Variants in SLC35A4 observed in about 807,000 individuals in gnomAD.
The protein encoded by SLC35A4 is probable UDP-sugar transporter protein SLC35A4.
SLC35A4 carries 9 observed loss-of-function variants against 18.8 expected under a neutral mutation model. The ratio of observed to expected loss-of-function variants is 0.48; its 90% CI spans 0.29 to 0.83. The LOEUF is 0.83. SLC35A4 is among the 40% of genes least tolerant of loss of function. The probability of loss-of-function intolerance (pLI) is 0.09; values close to 1 mark genes in which losing one functional copy is unlikely to be tolerated. For synonymous variants in SLC35A4, 189 were observed against 191.9 expected (o/e 0.98, Z 0.13); for missense variants, 404 against 415.5 (o/e 0.97, Z 0.24).
At chr5:140,565,100 C>T in intron 1 of SLC35A4, 1 of 395,080 alleles carries the variant, frequency 2.5e-6, no homozygotes, top group Non-Finnish European at 4.5e-6. Context: ...CCGTTACTAG[C>T]ACAGACTCAA....
Position 140,567,612 on chromosome 5 carries a change from T to TGCG in SLC35A4, c.445_446insGGC (p.Leu148_Leu149insArg). 1 of 1,614,214 alleles carries TGCG rather than the reference T, an allele frequency of 6.2e-7. No individual in the cohort carries two copies. The highest frequency in any genetic ancestry group is 8.5e-7 in the Non-Finnish European group (1 of 1,180,034). ...GTGCGTCAGGGGTTAGCGCTGCTGC[T>TGCG]GCTGATGGCTGCGGGAGCCTGCTAT... On this transcript the variant is annotated inframe_insertion, in exon 3 of 3. Transcript: ENST00000323146.
In SLC35A4 at chr5:140,567,081, C is replaced by T. The variant is rs929806278; in HGVS notation, c.-89C>T. The T allele has an allele frequency of 1.9e-6, 3 of 1,596,270 alleles. No homozygotes were observed. The highest frequency in any genetic ancestry group is 2.2e-5 in the East Asian group (1 of 44,820). On this transcript the variant is annotated 5_prime_UTR_variant, in exon 3 of 3. Coordinates refer to ENST00000323146, the MANE Select transcript of SLC35A4 (RefSeq NM_080670.4). Reference sequence around the variant, plus strand: ...TCTCTGGCAATGTTCCACGGCTTCTCCTTCCTGGGAGCTGGCTCCATAACT... The same window carrying T: ...TCTCTGGCAATGTTCCACGGCTTCTTCTTCCTGGGAGCTGGCTCCATAACT...
intron 1 of SLC35A4, chr5:140,565,218 A>C: frequency 3.5e-6 from 1 of 285,198 alleles, no homozygotes; most frequent in African/African-American, 2.2e-5. Flanking sequence ...CACCACCCTC[A>C]TTCAAACACT....
chr5:140,568,130 T>A lies in SLC35A4; in HGVS notation c.961T>A (p.Tyr321Asn). ...CATTGGCCTGGCCATGCGCCTGTAC[T>A]ATGGCAGCCGCTAGTCCCTGACAAC... ...LLIGLAMRLY[Y>N]GSR is the part of the protein sequence containing the mutation. Residue 321 changes from tyrosine to asparagine, a missense_variant, in exon 3 of 3, where the codon TAT (tyrosine) becomes AAT (asparagine). Coordinates refer to ENST00000323146, the MANE Select transcript of SLC35A4 (RefSeq NM_080670.4). 6.2e-7 allele frequency: 1 copy of A among 1,613,460 alleles called. No individual in the cohort carries two copies.
In SLC35A4 at chr5:140,566,817, CTT is replaced by C; in HGVS notation, c.-351_-350del. On this transcript the variant is annotated 5_prime_UTR_variant, in exon 3 of 3. It removes the in-frame stop codon of an upstream open reading frame in the 5' UTR. Coordinates refer to ENST00000323146, the MANE Select transcript of SLC35A4 (RefSeq NM_080670.4). The stretch of plus-strand genomic sequence containing the variant: ...GCAGCTCAGCCTTCAGGTGGAGACA[CTT>C]TATCTGGATTCCCCAGCTGTCATCC... 1 of 603,000 alleles carries C rather than the reference CTT, an allele frequency of 1.7e-6. No homozygotes were observed. Among genetic ancestry groups the C allele is most frequent in the South Asian group, 2.0e-5 (1 of 50,590 alleles). The allele number at this position is 603,000 out of a possible 1,614,324, so 37.4% of individuals were successfully genotyped here.
At position 140,567,218 on chromosome 5, in the gene SLC35A4, G is replaced by C. The variant is rs377739076; in HGVS notation, c.49G>C (p.Ala17Pro). 3 of 1,614,152 alleles carry C rather than the reference G, an allele frequency of 1.9e-6. No homozygotes were observed. Among genetic ancestry groups the C allele is most frequent in the Non-Finnish European group, 2.5e-6 (3 of 1,179,982 alleles). Residue 17 changes from alanine to proline, a missense_variant, in exon 3 of 3, where the codon GCC becomes CCC. Coordinates refer to ENST00000323146, the MANE Select transcript of SLC35A4 (RefSeq NM_080670.4). ...GCCAGGCCTGGGCCGTCCCAGGCAG[G>C]CCCGCTGGACCCTGATGCTACTCCT... ...GMPGLGRPRQ[A>P]RWTLMLLLST...
intron 2 of SLC35A4, 98 bp downstream of exon 2, chr5:140,566,069 T>C: frequency 2.5e-6 from 1 of 397,358 alleles, no homozygotes; most frequent in South Asian, 1.4e-4. Flanking sequence ...AGCAAGTGAT[T>C]ATTGAGGGCC....
rs746650188 is a variant in SLC35A4, at chr5:140,567,923, T to C, written c.754T>C (p.Trp252Arg). 6.8e-6 allele frequency: 11 copies of C among 1,614,078 alleles called. No homozygotes were observed. The highest frequency in any genetic ancestry group is 1.6e-4 in the Middle Eastern group (1 of 6,084). Residue 252 changes from tryptophan to arginine, a missense_variant, in exon 3 of 3, where the codon TGG (tryptophan) becomes CGG (arginine). Transcript: ENST00000323146. Reference sequence around the variant, plus strand: ...AGGCCTCCTGGAAGGTTTCTCAGGATGGGCAGCACTCGTGGTGCTGAGCCA... The same window carrying C: ...AGGCCTCCTGGAAGGTTTCTCAGGACGGGCAGCACTCGTGGTGCTGAGCCA... ...GPGLLEGFSG[W>R]AALVVLSQAL...
chr5:140,565,003 A>C, intron 1 of SLC35A4, 145 bp downstream of exon 1: 1 of 398,920 alleles, frequency 2.5e-6, no homozygotes, highest in Non-Finnish European at 4.4e-6. Context: ...CTGCCTCAAC[A>C]GTGTGGAGTG....
Position 140,566,582 on chromosome 5 carries a change from C to T in SLC35A4, c.-588C>T. ...CTCTGCAGGATGGCTCGCTGTTGTCCTCCCCGTTCCTCAAGGGATTCCTGG... is the reference window on the plus strand; with the variant it reads ...CTCTGCAGGATGGCTCGCTGTTGTCTTCCCCGTTCCTCAAGGGATTCCTGG... On this transcript the variant is annotated 5_prime_UTR_variant, in exon 3 of 3. Transcript: ENST00000323146. 1 of 430,682 alleles carries T rather than the reference C, an allele frequency of 2.3e-6. No individual in the cohort carries two copies. Among genetic ancestry groups the T allele is most frequent in the Non-Finnish European group, 4.1e-6 (1 of 245,056 alleles). 26.7% of individuals were successfully genotyped at this position (430,682 alleles called of 1,614,324 possible). A position where few individuals can be genotyped will look rare whatever the true frequency, so the allele number is the denominator to read the frequency against.
intron 1 of SLC35A4, 24 bp from the exon 2 acceptor site, chr5:140,565,849 G>C: frequency 5.0e-6 from 2 of 398,824 alleles, no homozygotes; most frequent in Non-Finnish European, 8.8e-6. Context: ...CAGACTGCTG[G>C]AGCCAGCCTC....
intron 1 of SLC35A4, chr5:140,565,272 T>C (rs1278770538): frequency 1.6e-5 from 3 of 188,994 alleles, no homozygotes; most frequent in Non-Finnish European, 2.1e-5. Context: ...GCGATCAAAA[T>C]CACTCAGTCC....
rs1223325574 is a variant in SLC35A4, at chr5:140,568,473, C to T, written c.*329C>T. On this transcript the variant is annotated 3_prime_UTR_variant, in exon 3 of 3. Coordinates refer to ENST00000323146, the MANE Select transcript of SLC35A4 (RefSeq NM_080670.4). ...TTGTTGGGCAGCTCCCTGCTTTGTC[C>T]TGCATGAACAGAGTTGATGAAAGTG... The T allele has an allele frequency of 5.4e-6, 2 of 373,434 alleles. No individual in the cohort carries two copies. The highest frequency in any genetic ancestry group is 1.0e-5 in the Non-Finnish European group (2 of 192,168). The allele number at this position is 373,434 out of a possible 1,614,324, so 23.1% of individuals were successfully genotyped here.
Position 140,568,189 on chromosome 5 carries a change from G to C in SLC35A4, c.*45G>C, listed in dbSNP as rs746101565. ...TGATTCCGGACCCTGTAGATTGGGCGCCACCACCAGATCCCCCTCCCAGGC... is the reference window on the plus strand; with the variant it reads ...TGATTCCGGACCCTGTAGATTGGGCCCCACCACCAGATCCCCCTCCCAGGC... On this transcript the variant is annotated 3_prime_UTR_variant, in exon 3 of 3. Transcript: ENST00000323146. The C allele has an allele frequency of 6.2e-7, 1 of 1,612,778 alleles. No individual in the cohort carries two copies. The highest frequency in any genetic ancestry group is 8.5e-7 in the Non-Finnish European group (1 of 1,179,728).
rs534689095 is a variant in SLC35A4 at position 140,567,775 on chromosome 5, G to A, written c.606G>A (p.Ser202=). ...LILYCLISGL[S]SVYTELLMKR... ...TGTACTGCCTCATCTCAGGCTTGTC[G>A]TCAGTGTACACAGAGCTGCTCATGA... Residue 202 remains serine, a synonymous_variant, in exon 3 of 3, where the codon TCG becomes TCA. Transcript: ENST00000323146. 2.2e-5 allele frequency: 35 copies of A among 1,614,032 alleles called. No homozygotes were observed. Among genetic ancestry groups the A allele is most frequent in the Non-Finnish European group, 2.8e-5 (33 of 1,180,020 alleles).
chr5:140,565,245 G>A (rs1457077015), intron 1 of SLC35A4: 1 of 222,188 alleles, frequency 4.5e-6, no homozygotes, highest in African/African-American at 2.3e-5. Context: ...CATACATTCT[G>A]AATTTCATAC....
chr5:140,567,834 T>C lies in SLC35A4; in HGVS notation c.665T>C (p.Leu222Pro). ...RQRLPLALQN[L>P]FLYTFGVLLN... is the part of the protein sequence containing the mutation. ...CGGCTGCCCCTGGCACTTCAGAACCTCTTCCTCTACACTTTTGGTGTGCTT... is the reference window on the plus strand; with the variant it reads ...CGGCTGCCCCTGGCACTTCAGAACCCCTTCCTCTACACTTTTGGTGTGCTT... The change falls in exon 3 of 3, where the codon CTC (leucine) becomes CCC (proline). Residue 222 changes from leucine (L) to proline (P), a missense_variant. Transcript: ENST00000323146. The C allele has an allele frequency of 1.2e-6, 2 of 1,614,140 alleles. No individual in the cohort carries two copies. Among genetic ancestry groups the C allele is most frequent in the Non-Finnish European group, 1.7e-6 (2 of 1,180,038 alleles).
chr5:140,566,953 C>G lies in SLC35A4; in HGVS notation c.-217C>G, dbSNP rs999553150. 1.1e-5 allele frequency: 8 copies of G among 732,950 alleles called. No homozygotes were observed. Among genetic ancestry groups the G allele is most frequent in the African/African-American group, 6.9e-5 (4 of 57,766 alleles). 45.4% of individuals were successfully genotyped at this position (732,950 alleles called of 1,614,324 possible). A position where few individuals can be genotyped will look rare whatever the true frequency, so the allele number is the denominator to read the frequency against. On this transcript the variant is annotated 5_prime_UTR_variant, in exon 3 of 3. Coordinates refer to ENST00000323146, the MANE Select transcript of SLC35A4 (RefSeq NM_080670.4). ...CTGGATTCCTTCTTCCCCTTCCTAG[C>G]TCCATGGGACTCGCCCCAAGACTGT...
chr5:140,568,081 C>T lies in SLC35A4; in HGVS notation c.912C>T (p.Ala304=), dbSNP rs142973260. ...SAVLLRLQLT[A]AFFLATLLIG... is the part of the protein sequence containing the mutation. ...TCCTGCTACGGCTGCAGCTCACAGC[C>T]GCCTTCTTCCTGGCCACATTGCTCA... is the stretch of plus-strand genomic sequence containing the variant. The change falls in exon 3 of 3, where the codon GCC becomes GCT. Residue 304 remains alanine, a synonymous_variant. Transcript: ENST00000323146. 7.9e-4 allele frequency: 1,281 copies of T among 1,613,922 alleles called. 2 individuals carry two copies. The highest frequency in any genetic ancestry group is 2.3e-3 in the African/African-American group (176 of 75,048).
Sources: allele counts gnomAD v4.1 joint callset, GRCh38; gene constraint gnomAD v4.1.1; transcripts MANE v1.5; gene names NCBI Gene and HGNC (gene_info 2026-07-23, HGNC 2026-07-21).